DSC3: variants seen among roughly 807,000 people sequenced by gnomAD.
DSC3 encodes desmocollin 3.
DSC3 carries 97 observed loss-of-function variants against 89.5 expected under a neutral mutation model. That is an observed-to-expected ratio of 1.08 (90% CI 0.92 to 1.28). The LOEUF is 1.28. Ranked by LOEUF, DSC3 falls within the 50% of genes most tolerant of loss-of-function variation. The pLI is 0.00. For synonymous variants in DSC3, 436 were observed against 384.1 expected (o/e 1.14, Z -1.58); for missense variants, 1,199 against 1,085.3 (o/e 1.10, Z -1.47).
At chr18:31,041,001 TTA>T (rs145469810) in intron 1 of DSC3, among the ~76,000 whole-genome samples, 58,427 of 150,976 alleles carry the variant, frequency 0.39, 11,784 homozygotes, top group East Asian at 0.66. Flanking sequence ...CGGAATTATT[TTA>T]AAAAAAAAAA....
At position 31,022,332 on chromosome 18, in the gene DSC3, C is replaced by G. The variant is rs746334601; in HGVS notation, c.942+4G>C. 3.5e-5 allele frequency: 57 copies of G among 1,613,840 alleles called. No individual in the cohort carries two copies. The highest frequency in any genetic ancestry group is 4.4e-5 in the Non-Finnish European group (52 of 1,179,930). ...AATGAAATTCTATGGAGTGTGTGAG[C>G]TACCTCTCTGTCCAAATAATGAGAG... On this transcript the variant is annotated splice_donor_region_variant and intron_variant, in intron 7 of 15. Transcript: ENST00000360428.
chr18:31,038,761 G>T (rs555757281), intron 1 of DSC3, among the ~76,000 whole-genome samples: 148 of 152,130 alleles, frequency 9.7e-4, no homozygotes, highest in Non-Finnish European at 1.6e-3. Context: ...GGGTATTCAC[G>T]TTCAAGGTTA....
intron 6 of DSC3, 119 bp downstream of exon 6, chr18:31,024,230 G>T: frequency 1.1e-6 from 1 of 940,326 alleles, no homozygotes; most frequent in Non-Finnish European, 1.5e-6. Context: ...CTGGTAAGTA[G>T]ATTCTAGTTC....
chr18:31,024,339 G>C lies in DSC3; in HGVS notation c.775+10C>G, dbSNP rs371311530. 2 of 1,567,802 alleles carry C rather than the reference G, an allele frequency of 1.3e-6. No individual in the cohort carries two copies. Among genetic ancestry groups the C allele is most frequent in the Non-Finnish European group, 1.7e-6 (2 of 1,157,252 alleles). On this transcript the variant is annotated intron_variant, in intron 6 of 15. Transcript: ENST00000360428. ...AAAATGATTCTTTTTATTCTTAAAA[G>C]CAGACTTACCAGGTCTACTACTTTC...
In DSC3 at chr18:30,992,108, T is replaced by C. The variant is rs1276678682; in HGVS notation, c.*2067A>G. 7.9e-6 allele frequency: 1 copy of C among 126,542 alleles called. No individual in the cohort carries two copies. The highest frequency in any genetic ancestry group is 2.9e-5 in the African/African-American group (1 of 33,902). The allele number at this position is 126,542 out of a possible 1,614,324, so 7.8% of individuals were successfully genotyped here. A position where few individuals can be genotyped will look rare whatever the true frequency, so the allele number is the denominator to read the frequency against. ...TGAACCCGGGAGGCGGAGCTTTCAG[T>C]GAGCAGAGATCGGAGCCACTGCACT... On this transcript the variant is annotated 3_prime_UTR_variant, in exon 16 of 16. Coordinates refer to ENST00000360428, the MANE Select transcript of DSC3 (RefSeq NM_001941.5).
intron 3 of DSC3, among the ~76,000 whole-genome samples, chr18:31,030,436 C>T (rs553246341): frequency 6.6e-6 from 1 of 152,324 alleles, no homozygotes; most frequent in African/African-American, 2.4e-5. Context: ...AACCTTTCAT[C>T]ATTTTGTGAC....
chr18:31,038,532 A>G (rs1986038501), intron 1 of DSC3, among the ~76,000 whole-genome samples: 2 of 152,164 alleles, frequency 1.3e-5, no homozygotes, highest in Non-Finnish European at 2.9e-5. Context: ...CTCCAAAACT[A>G]TACTTCCTTT....
intron 14 of DSC3, 46 bp downstream of exon 14, chr18:31,001,572 T>G (rs144308178): frequency 1.3e-6 from 2 of 1,594,872 alleles, no homozygotes; most frequent in East Asian, 4.5e-5. Flanking sequence ...GAGGATGAAT[T>G]AAATTATCGG....
intron 7 of DSC3, among the ~76,000 whole-genome samples, chr18:31,021,698 A>G (rs1032857793): frequency 6.6e-6 from 1 of 152,200 alleles, no homozygotes; most frequent in Non-Finnish European, 1.5e-5. Flanking sequence ...AAAACTAAAG[A>G]TAAGATTCAG....
Position 31,031,143 on chromosome 18 carries a change from C to G in DSC3, c.184G>C (p.Asp62His), listed in dbSNP as rs772591184. ...TCAGGATCACTTGACCGGATGAGGT[C>G]TGCAGACCTGAAGCACTCTTCCAAA... Reference protein sequence around the residue: ...VNLEECFRSADLIRSSDPDFR... With the variant: ...VNLEECFRSAHLIRSSDPDFR... The change falls in exon 3 of 16, where the codon GAC becomes CAC. Residue 62 changes from aspartate to histidine, a missense_variant. By Grantham distance (81) the Asp-to-His change is moderately conservative (BLOSUM62 -1). Transcript: ENST00000360428. 6.2e-7 allele frequency: 1 copy of G among 1,613,096 alleles called. No homozygotes were observed. The highest frequency in any genetic ancestry group is 2.2e-5 in the East Asian group (1 of 44,846).
intron 14 of DSC3, among the ~76,000 whole-genome samples, chr18:30,997,711 T>C (rs1371456052): frequency 2.6e-5 from 4 of 152,218 alleles, no homozygotes; most frequent in Non-Finnish European, 5.9e-5. Context: ...ATGTGATTAC[T>C]CTACTATGTG....
intron 1 of DSC3, among the ~76,000 whole-genome samples, chr18:31,039,146 T>C (rs1410297306): frequency 6.6e-6 from 1 of 152,124 alleles, no homozygotes; most frequent in African/African-American, 2.4e-5. Flanking sequence ...TAATATAAAG[T>C]ATTACCTACT....
chr18:30,990,318 C>A lies in DSC3; in HGVS notation c.*3857G>T, dbSNP rs1174163081. ...ATCCAAGCATTCTGGCTCTAGTGTC[C>A]ATGCTTCTCAACCATTATGACCCAA... On this transcript the variant is annotated 3_prime_UTR_variant, in exon 16 of 16. Coordinates refer to ENST00000360428, the MANE Select transcript of DSC3 (RefSeq NM_001941.5). 6.6e-6 allele frequency: 1 copy of A among 152,156 alleles called. No individual in the cohort carries two copies. The highest frequency in any genetic ancestry group is 1.5e-5 in the Non-Finnish European group (1 of 68,030). 9.4% of individuals were successfully genotyped at this position (152,156 alleles called of 1,614,324 possible). A position where few individuals can be genotyped will look rare whatever the true frequency, so the allele number is the denominator to read the frequency against.
chr18:30,997,846 T>A (rs1984528589), intron 14 of DSC3, among the ~76,000 whole-genome samples: 1 of 151,214 alleles, frequency 6.6e-6, no homozygotes, highest in African/African-American at 2.4e-5. Context: ...CTAGTAGGAG[T>A]GGGACAAACA....
Position 30,993,477 on chromosome 18 carries a change from G to T in DSC3, c.*698C>A, listed in dbSNP as rs946931349. 1.3e-5 allele frequency: 2 copies of T among 152,188 alleles called. No individual in the cohort carries two copies. The highest frequency in any genetic ancestry group is 4.8e-5 in the African/African-American group (2 of 41,434). 9.4% of individuals were successfully genotyped at this position (152,188 alleles called of 1,614,324 possible). A position where few individuals can be genotyped will look rare whatever the true frequency, so the allele number is the denominator to read the frequency against. On this transcript the variant is annotated 3_prime_UTR_variant, in exon 16 of 16. Coordinates refer to ENST00000360428, the MANE Select transcript of DSC3 (RefSeq NM_001941.5). ...GCATTTAAGAGCCCAGGCCTAGGAA[G>T]CTCTCTCTTTTTTCTATTGTAGGAC...
At chr18:31,014,587 A>G (rs1313592) in intron 9 of DSC3, among the ~76,000 whole-genome samples, 89,080 of 151,968 alleles carry the variant, frequency 0.59, 27,148 homozygotes, top group East Asian at 0.94. Context: ...GACATTTAAA[A>G]CAATTAAATG....
rs957429652 is a variant in DSC3, at chr18:30,990,987, C to T, written c.*3188G>A. On this transcript the variant is annotated 3_prime_UTR_variant, in exon 16 of 16. Coordinates refer to ENST00000360428, the MANE Select transcript of DSC3 (RefSeq NM_001941.5). Reference sequence around the variant, plus strand: ...ACAAAGACATAATTATTTCTATTTCCATGCCAGCCATAAGCATAATTTTGC... The same window carrying T: ...ACAAAGACATAATTATTTCTATTTCTATGCCAGCCATAAGCATAATTTTGC... 6.6e-6 allele frequency: 1 copy of T among 151,886 alleles called. No homozygotes were observed. Among genetic ancestry groups the T allele is most frequent in the Non-Finnish European group, 1.5e-5 (1 of 67,998 alleles). The allele number at this position is 151,886 out of a possible 1,614,324, so 9.4% of individuals were successfully genotyped here. A position where few individuals can be genotyped will look rare whatever the true frequency, so the allele number is the denominator to read the frequency against.
intron 5 of DSC3, 63 bp downstream of exon 5, chr18:31,025,697 A>C: frequency 6.6e-7 from 1 of 1,507,876 alleles, no homozygotes; most frequent in South Asian, 1.1e-5. Flanking sequence ...GAGTAGCTGG[A>C]GTAAGCATCA....
intron 4 of DSC3, 139 bp downstream of exon 4, chr18:31,029,370 T>A: frequency 9.2e-7 from 1 of 1,085,424 alleles, no homozygotes; most frequent in Non-Finnish European, 1.3e-6. Flanking sequence ...TAATTTTCTT[T>A]CTCATTTTAC....
Sources: allele counts gnomAD v4.1 joint callset (sites outside exome capture counted in the v4.1 genomes callset), GRCh38; gene constraint gnomAD v4.1.1; transcripts MANE v1.5; gene names NCBI Gene and HGNC (gene_info 2026-07-23, HGNC 2026-07-21).